Variants in DHX15 observed in about 807,000 individuals in gnomAD.
DHX15 encodes ATP-dependent RNA helicase DHX15.
DHX15 carries 11 observed loss-of-function variants against 94.4 expected under a neutral mutation model. The ratio of observed to expected loss-of-function variants is 0.12; its 90% confidence interval spans 0.07 to 0.19. DHX15 has a LOEUF of 0.19. Among genes scored for constraint, DHX15 ranks in the 10% least tolerant of loss-of-function variants. The pLI, the probability that DHX15 is intolerant of heterozygous loss-of-function variation, is 1.00. For missense variants in DHX15, 304 were observed against 988.5 expected, an observed-to-expected ratio of 0.31 and a Z score of 9.29; for synonymous variants, 338 against 329.9, an observed-to-expected ratio of 1.02 and a Z score of -0.27.
chr4:24,528,438 A>C (rs553543460), intron 13 of DHX15, among the ~76,000 whole-genome samples: 2 of 152,302 alleles, frequency 1.3e-5, no homozygotes, highest in East Asian at 3.9e-4. Flanking sequence ...TTTCATTTTC[A>C]ATGTTTTAAT....
At chr4:24,573,213 G>A (rs941324941) in intron 2 of DHX15, among the ~76,000 whole-genome samples, 11 of 152,292 alleles carry the variant, frequency 7.2e-5, no homozygotes, top group African/African-American at 2.6e-4. Flanking sequence ...ACCCAGCCAG[G>A]TCTAAGTTAT....
chr4:24,553,693 C>T (rs1721660246), intron 5 of DHX15, among the ~76,000 whole-genome samples: 1 of 151,854 alleles, frequency 6.6e-6, no homozygotes, highest in South Asian at 2.1e-4. Flanking sequence ...AAGAGAATCG[C>T]TTGAACCCGG....
In DHX15 at chr4:24,537,225, G is replaced by A. The variant is rs750291628; in HGVS notation, c.1787-52C>T. ...ACAAACGCCCATATCGATGAGTCAC[G>A]CATTCACAGATAGAGGAACAAGGCC... On this transcript the variant is annotated intron_variant, in intron 10 of 13. Transcript: ENST00000336812. This position sits in a 1 kb window ranked among gnomAD's most constrained non-coding sequence, Gnocchi z 4.7. 1.7e-5 allele frequency: 28 copies of A among 1,607,702 alleles called. No individual in the cohort carries two copies. Among genetic ancestry groups the A allele is most frequent in the African/African-American group, 2.7e-5 (2 of 74,760 alleles).
chr4:24,537,935 T>C lies in DHX15; in HGVS notation c.1787-762A>G, dbSNP rs1721228639. The C allele has an allele frequency of 6.6e-6, 1 of 152,136 alleles. No individual in the cohort carries two copies. The highest frequency in any genetic ancestry group is 1.5e-5 in the Non-Finnish European group (1 of 68,014). The allele number at this position is 152,136 out of a possible 1,614,324, so 9.4% of individuals were successfully genotyped here. ...ACTTATTTGAATCAAAACCTCAATATAAAAGCAAAGTCCAATATTTCAAAA... is the reference window on the plus strand; with the variant it reads ...ACTTATTTGAATCAAAACCTCAATACAAAAGCAAAGTCCAATATTTCAAAA... On this transcript the variant is annotated intron_variant, in intron 10 of 13. Transcript: ENST00000336812. This position sits in a 1 kb window ranked among gnomAD's most constrained non-coding sequence, Gnocchi z 4.7.
chr4:24,552,802 T>C (rs1177629603), intron 5 of DHX15, among the ~76,000 whole-genome samples: 2 of 152,168 alleles, frequency 1.3e-5, no homozygotes, highest in Non-Finnish European at 2.9e-5. Flanking sequence ...AGCTGACAAC[T>C]AGAGCAGCAT....
chr4:24,569,905 G>A (rs1220592268), intron 3 of DHX15, among the ~76,000 whole-genome samples: 1 of 152,122 alleles, frequency 6.6e-6, no homozygotes. Flanking sequence ...GAAGTGGCTG[G>A]GAATAAACAG....
In DHX15 at chr4:24,584,403, C is replaced by T; in HGVS notation, c.-10G>A. 2.5e-6 allele frequency: 4 copies of T among 1,610,704 alleles called. No homozygotes were observed. The highest frequency in any genetic ancestry group is 3.4e-6 in the Non-Finnish European group (4 of 1,178,680). On this transcript the variant is annotated 5_prime_UTR_variant, in exon 1 of 14. Coordinates refer to ENST00000336812, the MANE Select transcript of DHX15 (RefSeq NM_001358.3). ...GGTGCCGCTTGGACATCCTCGCACT[C>T]TTCGAACGGGCAGTTATTAAGGAAG...
chr4:24,545,928 A>G (rs962889672), intron 6 of DHX15, among the ~76,000 whole-genome samples: 2 of 152,232 alleles, frequency 1.3e-5, no homozygotes, highest in Non-Finnish European at 2.9e-5. Flanking sequence ...AAAGCTTGGC[A>G]TCACTGTCAG....
At chr4:24,565,782 A>G (rs1721978948) in intron 3 of DHX15, among the ~76,000 whole-genome samples, 1 of 152,224 alleles carries the variant, frequency 6.6e-6, no homozygotes, top group African/African-American at 2.4e-5. Flanking sequence ...AGAATCAGCA[A>G]TGCTGACTGA....
chr4:24,541,006 C>T, intron 8 of DHX15, 58 bp from the exon 9 acceptor site: 1 of 1,066,522 alleles, frequency 9.4e-7, no homozygotes, highest in East Asian at 2.4e-5. Context: ...TCTCCTCGTT[C>T]CAGAAAACAA....
At chr4:24,576,158 G>C (rs1341799794) in intron 2 of DHX15, 85 bp downstream of exon 2, 7 of 1,088,922 alleles carry the variant, frequency 6.4e-6, no homozygotes, top group Admixed American at 2.1e-5. Flanking sequence ...GGACAGACAA[G>C]GGAAATGACC....
At position 24,528,003 on chromosome 4, in the gene DHX15, T is replaced by C. The variant is rs370160024; in HGVS notation, c.2309A>G (p.Asn770Ser). ...KIAPQYYDMSNFPQCEAKRQL... is the reference protein window; with the variant it reads ...KIAPQYYDMSSFPQCEAKRQL... The stretch of plus-strand genomic sequence containing the variant: ...TCTCTTTGCTTCACACTGTGGGAAA[T>C]TGCTCATGTCATAATATTGAGGGGC... The change falls in exon 14 of 14, where the codon AAT becomes AGT. Residue 770 changes from asparagine (N) to serine (S), a missense_variant. Around this residue, in one of 9 missense-constraint regions of DHX15, gnomAD observed 44 missense variants for 236.7 expected, o/e 0.19. Transcript: ENST00000336812. 32 of 1,613,858 alleles carry C rather than the reference T, an allele frequency of 2.0e-5. No homozygotes were observed. The highest frequency in any genetic ancestry group is 3.3e-5 in the South Asian group (3 of 91,072).
At chr4:24,559,685 G>A (rs1201004742) in intron 3 of DHX15, among the ~76,000 whole-genome samples, 25 of 152,124 alleles carry the variant, frequency 1.6e-4, no homozygotes, top group Non-Finnish European at 2.9e-5. Flanking sequence ...ACTTTACTGG[G>A]TGCCTTACTA....
intron 5 of DHX15, among the ~76,000 whole-genome samples, chr4:24,552,281 C>T (rs1308236576): frequency 3.3e-5 from 5 of 151,892 alleles, no homozygotes; most frequent in Admixed American, 2.6e-4. Flanking sequence ...TTTTTAACTC[C>T]AAAAGCAGCA....
intron 3 of DHX15, among the ~76,000 whole-genome samples, chr4:24,560,828 A>G (rs1423651740): frequency 1.3e-5 from 2 of 152,248 alleles, no homozygotes; most frequent in East Asian, 3.8e-4. Flanking sequence ...CAAATGGCTA[A>G]TATACAAAAA....
At chr4:24,532,326 A>G (rs1281910738) in intron 12 of DHX15, among the ~76,000 whole-genome samples, 1 of 152,224 alleles carries the variant, frequency 6.6e-6, no homozygotes, top group Non-Finnish European at 1.5e-5. Context: ...ATAATTACCA[A>G]TGATCACTCT....
chr4:24,561,599 C>T (rs1345272878), intron 3 of DHX15, among the ~76,000 whole-genome samples: 1 of 152,062 alleles, frequency 6.6e-6, no homozygotes, highest in Non-Finnish European at 1.5e-5. Flanking sequence ...CACATATACA[C>T]AATGGAATAC....
At chr4:24,542,872 A>G in intron 7 of DHX15, 68 bp downstream of exon 7, 1 of 1,123,210 alleles carries the variant, frequency 8.9e-7, no homozygotes, top group Non-Finnish European at 1.3e-6. Flanking sequence ...AATTTTAGCC[A>G]TTAAATGAAT....
chr4:24,564,905 A>G (rs1235170265), intron 3 of DHX15, among the ~76,000 whole-genome samples: 2 of 152,228 alleles, frequency 1.3e-5, no homozygotes, highest in African/African-American at 4.8e-5. Flanking sequence ...TGGACTCTTA[A>G]AGAGAGCTGA....
Sources: gnomAD v4.1 joint callset for allele counts (sites outside exome capture counted in the v4.1 genomes callset) on GRCh38, gnomAD v4.1.1 for gene constraint, gnomAD v4.1.1 regional missense constraint, Gnocchi (gnomAD v3.1) non-coding constraint, MANE v1.5 for transcripts, NCBI Gene and HGNC (gene_info 2026-07-23, HGNC 2026-07-21) for gene names.